The following SMG7 variants were observed in gnomAD, a reference collection of about 807,000 sequenced individuals.
The protein encoded by SMG7 is nonsense-mediated mRNA decay factor SMG7.
A neutral mutation model predicts 148.2 loss-of-function variants in SMG7; 34 were observed. The ratio of observed to expected loss-of-function variants is 0.23; its 90% CI spans 0.17 to 0.31. The LOEUF (loss-of-function observed/expected upper bound fraction) is 0.31, where lower values mean the gene tolerates loss of function less well. Ranked by LOEUF, SMG7 falls within the 10% of genes least tolerant of loss-of-function variation. The pLI is 1.00. For synonymous variants in SMG7, 492 were observed against 515.1 expected, an observed-to-expected ratio of 0.96 and a Z score of 0.61; for missense variants, 1,114 against 1,408.4, an observed-to-expected ratio of 0.79 and a Z score of 3.35.
intron 1 of SMG7, among the ~76,000 whole-genome samples, chr1:183,506,875 C>CTTTTTT (rs71130622): frequency 3.6e-5 from 4 of 111,824 alleles, no homozygotes; most frequent in Admixed American, 1.0e-4. Context: ...ACTATATATT[C>CTTTTTT]TTTTTTTTTT....
intron 1 of SMG7, among the ~76,000 whole-genome samples, chr1:183,505,256 T>C (rs1217297093): frequency 2.0e-5 from 3 of 152,216 alleles, no homozygotes; most frequent in African/African-American, 7.2e-5. Flanking sequence ...ATCTTTTCTC[T>C]GGCAAGGCTA....
intron 19 of SMG7, 66 bp from the exon 20 acceptor site, chr1:183,549,698 G>T: frequency 7.5e-7 from 1 of 1,333,772 alleles, no homozygotes; most frequent in Non-Finnish European, 1.1e-6. Flanking sequence ...CCATGAACAA[G>T]ACATTGGATT....
At chr1:183,485,124 C>T (rs1051685768) in intron 1 of SMG7, among the ~76,000 whole-genome samples, 4 of 152,142 alleles carry the variant, frequency 2.6e-5, no homozygotes, top group African/African-American at 9.7e-5. Flanking sequence ...CTCTGTTACA[C>T]AGCTAGGCAA....
chr1:183,516,036 T>C, intron 3 of SMG7, 45 bp downstream of exon 3: 1 of 1,175,344 alleles, frequency 8.5e-7, no homozygotes, highest in Non-Finnish European at 1.3e-6. Flanking sequence ...AGATCAAGAA[T>C]TTCACCGAGA....
At chr1:183,514,904 G>A (rs1016834410) in intron 2 of SMG7, among the ~76,000 whole-genome samples, 2 of 152,184 alleles carry the variant, frequency 1.3e-5, no homozygotes, top group Non-Finnish European at 2.9e-5. Flanking sequence ...TAGGATTGTG[G>A]TGGCTATAGA....
intron 1 of SMG7, chr1:183,502,420 C>T: frequency 6.6e-7 from 1 of 1,507,222 alleles, no homozygotes; most frequent in South Asian, 1.2e-5. Flanking sequence ...GGGATTTCTA[C>T]ATGTTTTTAT....
intron 14 of SMG7, 59 bp from the exon 15 acceptor site, chr1:183,544,294 C>T: frequency 7.0e-7 from 1 of 1,434,096 alleles, no homozygotes; most frequent in Admixed American, 1.7e-5. Flanking sequence ...GTAGGGTCTT[C>T]TTTCTAGCAC....
At chr1:183,473,772 G>T in intron 1 of SMG7, 1 of 985,318 alleles carries the variant, frequency 1.0e-6, no homozygotes. Context: ...TTAAAAAATT[G>T]TTTCATACCT....
At chr1:183,541,140 AC>A in intron 13 of SMG7, 37 bp downstream of exon 13, 2 of 1,600,916 alleles carry the variant, frequency 1.2e-6, no homozygotes, top group South Asian at 1.1e-5. Context: ...CTTTTTAACC[AC>A]CTTTTTAGAT....
At chr1:183,482,470 T>G (rs1654400427) in intron 1 of SMG7, among the ~76,000 whole-genome samples, 1 of 152,086 alleles carries the variant, frequency 6.6e-6, no homozygotes, top group Non-Finnish European at 1.5e-5. Context: ...TGGAACATTA[T>G]TAAATGATTA....
At position 183,527,837 on chromosome 1, in the gene SMG7, A is replaced by C. The variant is rs961826170; in HGVS notation, c.485-119A>C. On this transcript the variant is annotated intron_variant, in intron 5 of 22. Coordinates refer to ENST00000688051, the MANE Select transcript of SMG7 (RefSeq NM_001375584.1). The surrounding 1 kb of genome is among the most constrained non-coding windows in gnomAD (Gnocchi z 4.0). ...ATTTGTTTTAAAGTATTTTGTCTTT[A>C]ATTTTAAATTAACTTTAATGTCTTT... is the stretch of plus-strand genomic sequence containing the variant. 6.3e-5 allele frequency: 43 copies of C among 684,570 alleles called. No homozygotes were observed. Among genetic ancestry groups the C allele is most frequent in the Non-Finnish European group, 1.8e-5 (7 of 389,582 alleles). 42.4% of individuals were successfully genotyped at this position (684,570 alleles called of 1,614,324 possible).
chr1:183,505,724 C>CT (rs1660749058), intron 1 of SMG7, among the ~76,000 whole-genome samples: 1 of 152,198 alleles, frequency 6.6e-6, no homozygotes, highest in Non-Finnish European at 1.5e-5. Context: ...TGAACACTAT[C>CT]TTTTTTGCAT....
chr1:183,514,849 C>G (rs1423922334), intron 2 of SMG7, among the ~76,000 whole-genome samples: 1 of 152,168 alleles, frequency 6.6e-6, no homozygotes, highest in Non-Finnish European at 1.5e-5. Flanking sequence ...AGCCTGTAAA[C>G]TCTTAGGAGC....
chr1:183,544,422 C>A lies in SMG7; in HGVS notation c.1912C>A (p.Pro638Thr). Residue 638 changes from proline to threonine, a missense_variant, in exon 15 of 23, where the codon CCA becomes ACA. By Grantham distance (38) the Pro-to-Thr change is conservative. Coordinates refer to ENST00000688051, the MANE Select transcript of SMG7 (RefSeq NM_001375584.1). ...EARKTPVTQT[P>T]TQASNSQFIP... is the part of the protein sequence containing the mutation. Reference sequence around the variant, plus strand: ...CAGAAAAACACCTGTAACTCAAACCCCAACTCAAGCAAGTAACTCCCAGTT... The same window carrying A: ...CAGAAAAACACCTGTAACTCAAACCACAACTCAAGCAAGTAACTCCCAGTT... 3 of 1,613,914 alleles carry A rather than the reference C, an allele frequency of 1.9e-6. No individual in the cohort carries two copies. Among genetic ancestry groups the A allele is most frequent in the Non-Finnish European group, 2.5e-6 (3 of 1,179,854 alleles).
intron 4 of SMG7, among the ~76,000 whole-genome samples, chr1:183,521,203 A>G (rs1457182431): frequency 6.6e-6 from 1 of 151,548 alleles, no homozygotes; most frequent in Non-Finnish European, 1.5e-5. Context: ...GGTTCAAGCG[A>G]TTCTTCTGCC....
intron 12 of SMG7, 94 bp from the exon 13 acceptor site, chr1:183,540,890 T>C (rs1404884594): frequency 8.4e-7 from 1 of 1,192,734 alleles, no homozygotes; most frequent in Admixed American, 2.0e-5. Flanking sequence ...TGGGAAGTAA[T>C]CTGAAGCCAT....
chr1:183,520,035 T>C (rs1199959322), intron 4 of SMG7, among the ~76,000 whole-genome samples: 1 of 152,064 alleles, frequency 6.6e-6, no homozygotes, highest in East Asian at 1.9e-4. Flanking sequence ...ATTTTTTTTT[T>C]TTTGCAATAC....
At chr1:183,486,394 CTG>C (rs1260075656) in intron 1 of SMG7, among the ~76,000 whole-genome samples, 1 of 152,156 alleles carries the variant, frequency 6.6e-6, no homozygotes, top group African/African-American at 2.4e-5. Context: ...GAAGCAAAAA[CTG>C]TATAAACTGT....
rs1487949618 is a variant in SMG7, at chr1:183,538,374, C to G, written c.1235-6C>G. 1.9e-6 allele frequency: 3 copies of G among 1,610,736 alleles called. No individual in the cohort carries two copies. The highest frequency in any genetic ancestry group is 1.3e-5 in the African/African-American group (1 of 74,966). ...ATGTTTGCAAATTTTGATTTTGACC[C>G]TTTAGCGACACCACTTCCAGAGGAG... On this transcript the variant is annotated splice_region_variant and splice_polypyrimidine_tract_variant and intron_variant, in intron 11 of 22. Transcript: ENST00000688051.
Sources: allele counts gnomAD v4.1 joint callset (sites outside exome capture counted in the v4.1 genomes callset), GRCh38; gene constraint gnomAD v4.1.1; non-coding constraint Gnocchi (gnomAD v3.1); transcripts MANE v1.5; gene names NCBI Gene and HGNC (gene_info 2026-07-23, HGNC 2026-07-21).